RASGRF2: variants seen among roughly 807,000 people sequenced by gnomAD.
RASGRF2 encodes ras-specific guanine nucleotide-releasing factor 2.
In RASGRF2, 76 loss-of-function variants were observed where a neutral mutation model predicts 151.0. The ratio of observed to expected loss-of-function variants is 0.50; its 90% CI spans 0.42 to 0.61. The LOEUF (loss-of-function observed/expected upper bound fraction) is 0.61, where lower values mean the gene tolerates loss of function less well. Ranked by LOEUF, RASGRF2 falls within the 20% of genes least tolerant of loss-of-function variation. The probability of loss-of-function intolerance (pLI) is 0.00; values close to 1 mark genes in which losing one functional copy is unlikely to be tolerated. For missense variants in RASGRF2, 1,148 were observed against 1,564.6 expected (o/e 0.73, Z 4.49); for synonymous variants, 504 against 566.5 (o/e 0.89, Z 1.57).
Position 81,046,054 on chromosome 5 carries a change from A to G in RASGRF2, c.395+3071A>G, listed in dbSNP as rs567826359. On this transcript the variant is annotated intron_variant, in intron 2 of 26. Transcript: ENST00000265080. Reference sequence around the variant, plus strand: ...CTAATATAAAAGTTTTAAATACTCAATATTTATGGTTTTATTGATCCTTTT... The same window carrying G: ...CTAATATAAAAGTTTTAAATACTCAGTATTTATGGTTTTATTGATCCTTTT... 4.6e-5 allele frequency among the ~76,000 whole-genome samples: 7 copies of G among 152,266 alleles called. 1 individual carries two copies. The East Asian group carries it at 1.2e-3, about 25-fold the overall frequency.
In RASGRF2 at chr5:81,215,969, AATT is replaced by A; in HGVS notation, c.3434+19_3434+21del. On this transcript the variant is annotated intron_variant, in intron 24 of 26. Coordinates refer to ENST00000265080, the MANE Select transcript of RASGRF2 (RefSeq NM_006909.3). The stretch of plus-strand genomic sequence containing the variant: ...AACCCTTAAAAAGTATGTCTATCTT[AATT>A]ATTAAATTATTCATAATTCAGAAAT... 1 of 1,484,554 alleles carries A rather than the reference AATT, an allele frequency of 6.7e-7. No individual in the cohort carries two copies. The highest frequency in any genetic ancestry group is 8.9e-7 in the Non-Finnish European group (1 of 1,125,172). 92.0% of individuals were successfully genotyped at this position (1,484,554 alleles called of 1,614,324 possible).
chr5:80,969,356 G>A (rs560991774), intron 1 of RASGRF2, among the ~76,000 whole-genome samples: 48 of 150,654 alleles, frequency 3.2e-4, no homozygotes, highest in Middle Eastern at 3.5e-3. Context: ...GGCTGGTCTC[G>A]AACTCCTGAC....
intron 1 of RASGRF2, among the ~76,000 whole-genome samples, chr5:81,013,743 C>G (rs1472696623): frequency 1.3e-5 from 2 of 152,002 alleles, no homozygotes; most frequent in Non-Finnish European, 2.9e-5. Context: ...ATTACTGGAA[C>G]TAGAAACTTA....
chr5:80,994,344 C>T (rs561645668), intron 1 of RASGRF2, among the ~76,000 whole-genome samples: 37 of 127,820 alleles, frequency 2.9e-4, no homozygotes, highest in Admixed American at 6.5e-4. Context: ...CCAGCCTGGG[C>T]GACAGAGCGA....
intron 9 of RASGRF2, among the ~76,000 whole-genome samples, chr5:81,091,770 G>A (rs1249447903): frequency 1.3e-5 from 2 of 152,086 alleles, no homozygotes; most frequent in Non-Finnish European, 2.9e-5. Context: ...CTAGAAAAAT[G>A]TATGAAGAGG....
chr5:80,995,028 G>A (rs931577606), intron 1 of RASGRF2, among the ~76,000 whole-genome samples: 1 of 152,068 alleles, frequency 6.6e-6, no homozygotes, highest in African/African-American at 2.4e-5. Context: ...AGGCTGAGGT[G>A]GATGGATCAC....
At chr5:81,173,447 A>T (rs1754704338) in intron 17 of RASGRF2, among the ~76,000 whole-genome samples, 1 of 152,224 alleles carries the variant, frequency 6.6e-6, no homozygotes, top group Non-Finnish European at 1.5e-5. Context: ...AGATTACTAC[A>T]CCAAATGTCC....
chr5:81,130,615 G>A (rs183043169), intron 17 of RASGRF2, among the ~76,000 whole-genome samples: 5 of 152,272 alleles, frequency 3.3e-5, no homozygotes, highest in African/African-American at 4.8e-5. Flanking sequence ...GGTGTTGCCC[G>A]AGGAGGGCTA....
chr5:81,056,650 G>A (rs990387809), intron 2 of RASGRF2, among the ~76,000 whole-genome samples: 11 of 152,244 alleles, frequency 7.2e-5, no homozygotes, highest in African/African-American at 2.4e-4. Flanking sequence ...AGGTCTGCTT[G>A]GTGCAGAGCT....
chr5:81,063,036 C>T (rs573034195), intron 2 of RASGRF2, among the ~76,000 whole-genome samples: 1 of 143,756 alleles, frequency 7.0e-6, no homozygotes, highest in African/African-American at 2.6e-5. Flanking sequence ...AAAAGTATGA[C>T]AGAAAAAAAA....
intron 1 of RASGRF2, among the ~76,000 whole-genome samples, chr5:81,035,302 G>A (rs1750444484): frequency 6.6e-6 from 1 of 152,180 alleles, no homozygotes; most frequent in African/African-American, 2.4e-5. Flanking sequence ...ATGAGTTCAT[G>A]TCCTTTGCAG....
At chr5:81,134,072 T>TTGTGCGTG (rs1554036778) in intron 17 of RASGRF2, among the ~76,000 whole-genome samples, 2 of 78,102 alleles carry the variant, frequency 2.6e-5, no homozygotes, top group African/African-American at 9.8e-5. Context: ...TAGGAAATGC[T>TTGTGCGTG]TGTGTGCGTG....
intron 15 of RASGRF2, among the ~76,000 whole-genome samples, chr5:81,121,447 G>T (rs1158374243): frequency 6.6e-6 from 1 of 152,126 alleles, no homozygotes; most frequent in Non-Finnish European, 1.5e-5. Context: ...AAGTGCTAGT[G>T]ACCTTTGTCC....
chr5:81,034,456 C>A (rs1750390951), intron 1 of RASGRF2, among the ~76,000 whole-genome samples: 1 of 151,908 alleles, frequency 6.6e-6, no homozygotes, highest in Non-Finnish European at 1.5e-5. Context: ...TGGGTATATA[C>A]CCAAAGGACT....
chr5:80,994,323 A>ACG (rs1748757149), intron 1 of RASGRF2, among the ~76,000 whole-genome samples: 2 of 143,132 alleles, frequency 1.4e-5, no homozygotes, highest in African/African-American at 2.6e-5. Flanking sequence ...CCGAGATTGC[A>ACG]CCACTGCACT....
chr5:81,175,758 A>G (rs1754761270), intron 17 of RASGRF2, among the ~76,000 whole-genome samples: 1 of 102,086 alleles, frequency 9.8e-6, no homozygotes, highest in African/African-American at 4.9e-5. Flanking sequence ...TCCGTCTCAA[A>G]AAAAAAAAAA....
At chr5:80,965,490 A>G (rs1747694291) in intron 1 of RASGRF2, among the ~76,000 whole-genome samples, 1 of 152,184 alleles carries the variant, frequency 6.6e-6, no homozygotes, top group Non-Finnish European at 1.5e-5. Flanking sequence ...AATTTTGGCT[A>G]CACTAAGCCT....
intron 1 of RASGRF2, among the ~76,000 whole-genome samples, chr5:80,973,346 C>T (rs914165827): frequency 2.0e-5 from 3 of 152,166 alleles, no homozygotes; most frequent in Non-Finnish European, 4.4e-5. Flanking sequence ...TTCTTCCCTC[C>T]CTCATCCTCC....
rs1755649741 is a variant in RASGRF2 at position 81,212,542 on chromosome 5, C to G, written c.3333C>G (p.Thr1111=). The change falls in exon 23 of 27, where the codon ACC becomes ACG. Residue 1111 remains threonine, a synonymous_variant. Coordinates refer to ENST00000265080, the MANE Select transcript of RASGRF2 (RefSeq NM_006909.3). ...NRSAIYRLKK[T]WAKVSKQTKA... is the part of the protein sequence containing the mutation. ...GTGCCATCTACAGGCTGAAGAAAAC[C>G]TGGGCCAAGGTCTCTAAGCAGGTGA... 6.2e-6 allele frequency: 10 copies of G among 1,611,706 alleles called. No individual in the cohort carries two copies. Among genetic ancestry groups the G allele is most frequent in the Non-Finnish European group, 8.5e-6 (10 of 1,178,906 alleles).
Sources: gnomAD v4.1 joint callset for allele counts (sites outside exome capture counted in the v4.1 genomes callset) on GRCh38, gnomAD v4.1.1 for gene constraint, MANE v1.5 for transcripts, NCBI Gene and HGNC (gene_info 2026-07-23, HGNC 2026-07-21) for gene names.